Variants in BABAM2 observed in about 807,000 individuals in gnomAD.
The protein encoded by BABAM2 is BRISC and BRCA1 A complex member 2.
Under a neutral mutation model 54.7 loss-of-function variants are expected in BABAM2, and 31 were observed. The ratio of observed to expected loss-of-function variants is 0.57; its 90% CI spans 0.43 to 0.77. The LOEUF is 0.77. Ranked by LOEUF, BABAM2 falls within the 30% of genes least tolerant of loss-of-function variation. BABAM2 has a pLI of 0.00. For missense variants in BABAM2, 364 were observed against 455.8 expected, an observed-to-expected ratio of 0.80 and a Z score of 1.83; for synonymous variants, 167 against 162.9, an observed-to-expected ratio of 1.03 and a Z score of -0.19.
chr2:28,175,312 G>C (rs558996784), intron 7 of BABAM2, among the ~76,000 whole-genome samples: 2 of 152,278 alleles, frequency 1.3e-5, no homozygotes, highest in East Asian at 3.9e-4. Flanking sequence ...TACCACTGCT[G>C]CCACCACCCG....
chr2:28,283,046 T>A (rs1430203608), intron 10 of BABAM2, among the ~76,000 whole-genome samples: 1 of 110,724 alleles, frequency 9.0e-6, no homozygotes, highest in Non-Finnish European at 2.0e-5. Context: ...AAAAACCCCA[T>A]GCCTAACTAT....
intron 7 of BABAM2, among the ~76,000 whole-genome samples, chr2:28,167,294 G>T (rs1326467215): frequency 1.3e-5 from 2 of 152,164 alleles, no homozygotes; most frequent in Non-Finnish European, 2.9e-5. Context: ...CAATTTCAGA[G>T]AAAATATGTA....
chr2:28,183,738 A>ATC (rs767679472), intron 7 of BABAM2, among the ~76,000 whole-genome samples: 33,000 of 113,602 alleles, frequency 0.29, 4,547 homozygotes, highest in Non-Finnish European at 0.37. Flanking sequence ...TTGGATGAAG[A>ATC]TCACACACAC....
intron 7 of BABAM2, among the ~76,000 whole-genome samples, chr2:28,205,425 C>T (rs1312242175): frequency 7.1e-6 from 1 of 140,222 alleles, no homozygotes; most frequent in Non-Finnish European, 1.7e-5. Flanking sequence ...ATCACTTGAA[C>T]CCGAGAGGTA....
At chr2:27,912,971 T>A (rs186682522) in intron 2 of BABAM2, among the ~76,000 whole-genome samples, 17 of 152,206 alleles carry the variant, frequency 1.1e-4, no homozygotes, top group African/African-American at 4.1e-4. Context: ...AAAACCAAGA[T>A]GAATAGGGAG....
rs116739509 is a variant in BABAM2, at chr2:27,963,157, G to A, written c.206-24836G>A. 6.2e-3 allele frequency among the ~76,000 whole-genome samples: 937 copies of A among 152,154 alleles called. 13 individuals are homozygous for A. The highest frequency in any genetic ancestry group is 0.021 in the African/African-American group (885 of 41,516). On this transcript the variant is annotated intron_variant, in intron 3 of 11. Coordinates refer to ENST00000379624, the MANE Select transcript of BABAM2 (RefSeq NM_199191.3). ...CAGCAGACTATAGATGAAGGAAATC[G>A]TTGTCCCAATATTTAAAGAAAAGAA...
At chr2:28,141,831 G>A (rs888554892) in intron 7 of BABAM2, among the ~76,000 whole-genome samples, 2 of 152,080 alleles carry the variant, frequency 1.3e-5, no homozygotes, top group African/African-American at 4.8e-5. Flanking sequence ...TAGTTTTCAG[G>A]GCAGAATATC....
chr2:28,332,506 C>G (rs749651411), intron 11 of BABAM2, among the ~76,000 whole-genome samples: 1 of 152,126 alleles, frequency 6.6e-6, no homozygotes, highest in African/African-American at 2.4e-5. Context: ...AGCCAGGGCC[C>G]GGGCTAGAGC....
At chr2:27,902,244 C>G (rs1381155352) in intron 2 of BABAM2, among the ~76,000 whole-genome samples, 1 of 152,064 alleles carries the variant, frequency 6.6e-6, no homozygotes, top group Admixed American at 6.5e-5. Context: ...GAGTGAGTCA[C>G]CCAACATTAA....
intron 10 of BABAM2, among the ~76,000 whole-genome samples, chr2:28,272,221 C>T (rs1485975869): frequency 6.6e-6 from 1 of 152,196 alleles, no homozygotes; most frequent in Non-Finnish European, 1.5e-5. Flanking sequence ...AACTTCAATT[C>T]AAAGGACAAA....
intron 6 of BABAM2, among the ~76,000 whole-genome samples, chr2:28,094,971 C>T (rs1482210402): frequency 6.7e-6 from 1 of 148,408 alleles, no homozygotes; most frequent in African/African-American, 2.5e-5. Context: ...CTTCTTAAAT[C>T]ACCCTTTGTA....
At chr2:28,307,901 A>T (rs1688702411) in intron 11 of BABAM2, 1 of 152,320 alleles carries the variant, frequency 6.6e-6, no homozygotes, top group Non-Finnish European at 1.5e-5. Context: ...TGAAATTGGC[A>T]GTCATCAAGA....
chr2:28,313,334 T>C (rs543835476), intron 11 of BABAM2, among the ~76,000 whole-genome samples: 1 of 152,378 alleles, frequency 6.6e-6, no homozygotes, highest in Non-Finnish European at 1.5e-5. Context: ...ACTTTACTGC[T>C]ATCTCCAAAG....
At chr2:28,091,050 C>G (rs1415960488) in intron 6 of BABAM2, among the ~76,000 whole-genome samples, 1 of 151,818 alleles carries the variant, frequency 6.6e-6, no homozygotes, top group East Asian at 1.9e-4. Context: ...AATACCTGAG[C>G]CTTAACAATA....
At chr2:28,303,544 G>T (rs1236701597) in intron 11 of BABAM2, among the ~76,000 whole-genome samples, 3 of 152,092 alleles carry the variant, frequency 2.0e-5, no homozygotes, top group Admixed American at 1.3e-4. Flanking sequence ...TGATAGGTTT[G>T]TATACCAATA....
chr2:27,946,813 G>A (rs1239049482), intron 3 of BABAM2, among the ~76,000 whole-genome samples: 2 of 152,112 alleles, frequency 1.3e-5, no homozygotes, highest in Non-Finnish European at 1.5e-5. Context: ...ATTCTTAAGC[G>A]AGTTTTTACA....
At chr2:27,991,039 A>T (rs1301743930) in intron 4 of BABAM2, among the ~76,000 whole-genome samples, 1 of 152,140 alleles carries the variant, frequency 6.6e-6, no homozygotes, top group Admixed American at 6.5e-5. Flanking sequence ...CTAGATAGAG[A>T]GGTATCTCAT....
chr2:28,327,991 T>A (rs1341359749), intron 11 of BABAM2, among the ~76,000 whole-genome samples: 1 of 152,074 alleles, frequency 6.6e-6, no homozygotes, highest in Non-Finnish European at 1.5e-5. Context: ...CGGGGCATAA[T>A]TACAAAACAA....
chr2:27,914,664 A>C (rs1198129295), intron 2 of BABAM2, among the ~76,000 whole-genome samples: 1 of 152,210 alleles, frequency 6.6e-6, no homozygotes, highest in East Asian at 1.9e-4. Context: ...TGTGTTATGA[A>C]ATCATTTTAG....
Sources: allele counts gnomAD v4.1 joint callset (sites outside exome capture counted in the v4.1 genomes callset), GRCh38; gene constraint gnomAD v4.1.1; transcripts MANE v1.5; gene names NCBI Gene and HGNC (gene_info 2026-07-23, HGNC 2026-07-21).